The following MYO18B variants were observed in gnomAD, a reference collection of about 807,000 sequenced individuals.
MYO18B encodes the protein unconventional myosin-XVIIIb.
A neutral mutation model predicts 273.0 loss-of-function variants in MYO18B; 204 were observed. The observed-to-expected ratio is 0.75, with a 90% confidence interval of 0.67 to 0.84. MYO18B has a LOEUF of 0.84. Among genes scored for constraint, MYO18B ranks in the 40% least tolerant of loss-of-function variants. The pLI is 0.00. For synonymous variants in MYO18B, 1,330 were observed against 1,305.7 expected (o/e 1.02, Z -0.40); for missense variants, 3,212 against 3,287.6 (o/e 0.98, Z 0.56).
chr22:25,865,531 T>C (rs1225688075), intron 21 of MYO18B, among the ~76,000 whole-genome samples: 2 of 152,210 alleles, frequency 1.3e-5, no homozygotes, highest in African/African-American at 4.8e-5. Context: ...ACTCCTAACA[T>C]TTATTGAGTG....
chr22:25,910,565 G>A (rs1247705952), intron 32 of MYO18B, among the ~76,000 whole-genome samples: 1 of 152,164 alleles, frequency 6.6e-6, no homozygotes, highest in Non-Finnish European at 1.5e-5. Context: ...TAATAATGGA[G>A]GGGATGCATT....
At chr22:25,810,200 C>T (rs1180303478) in intron 12 of MYO18B, among the ~76,000 whole-genome samples, 2 of 150,812 alleles carry the variant, frequency 1.3e-5, no homozygotes, top group Non-Finnish European at 2.9e-5. Flanking sequence ...CGGGTTCATG[C>T]CATTCTCCTG....
chr22:25,826,781 C>G (rs375894250), intron 14 of MYO18B, among the ~76,000 whole-genome samples: 269 of 152,294 alleles, frequency 1.8e-3, no homozygotes, highest in African/African-American at 5.5e-3. Context: ...TCTTCCTGGC[C>G]AAGCGTGGTG....
chr22:25,824,458 A>C (rs1265573506), intron 13 of MYO18B, among the ~76,000 whole-genome samples: 1 of 152,176 alleles, frequency 6.6e-6, no homozygotes, highest in Non-Finnish European at 1.5e-5. Flanking sequence ...GGGGAAAAAC[A>C]GGAGGACTTT....
At chr22:26,028,250 G>GAAAAAAAAAA in intron 43 of MYO18B, 1 of 130,532 alleles carries the variant, frequency 7.7e-6, no homozygotes, top group African/African-American at 2.8e-5. Flanking sequence ...CTGTCTCAGG[G>GAAAAAAAAAA]AAAAAAAAAA....
Position 25,823,681 on chromosome 22 carries a change from A to G in MYO18B, c.2695+3A>G, listed in dbSNP as rs762240905. ...CGAGGATGAGGAAACCAGCTCAGGT[A>G]CATGGCTGCTGCCTCTTTGGGTGAG... On this transcript the variant is annotated splice_donor_region_variant and intron_variant, in intron 13 of 43. Transcript: ENST00000335473. 1 of 1,613,902 alleles carries G rather than the reference A, an allele frequency of 6.2e-7. No individual in the cohort carries two copies. Among genetic ancestry groups the G allele is most frequent in the East Asian group, 2.2e-5 (1 of 44,864 alleles).
intron 29 of MYO18B, chr22:25,899,254 T>C (rs370065092): frequency 9.8e-5 from 15 of 152,352 alleles, no homozygotes; most frequent in African/African-American, 3.1e-4. Flanking sequence ...GAACCTGTGA[T>C]GCTTGGACGC....
At chr22:25,767,879 T>C (rs2086563133) in intron 3 of MYO18B, among the ~76,000 whole-genome samples, 1 of 152,226 alleles carries the variant, frequency 6.6e-6, no homozygotes, top group Admixed American at 6.5e-5. Flanking sequence ...GAGTTGAACT[T>C]GGTTCTGTTG....
rs1485966994 is a variant in MYO18B, at chr22:25,843,756, G to C, written c.3230G>C (p.Cys1077Ser). The change falls in exon 18 of 44, where the codon TGT (cysteine) becomes TCT (serine). Residue 1077 changes from cysteine (C) to serine (S), a missense_variant. Cys to Ser is a moderately radical substitution (Grantham distance 112). Transcript: ENST00000335473. ...CCAGGGTCCTCTGCCCTGCGGACCT[G>C]TGAGCAGCCCCTCCAGTGTGAGATT... ...GTEGSSALRT[C>S]EQPLQCEIFH... 6.2e-7 allele frequency: 1 copy of C among 1,613,612 alleles called. No homozygotes were observed. Among genetic ancestry groups the C allele is most frequent in the Non-Finnish European group, 8.5e-7 (1 of 1,179,658 alleles).
chr22:25,828,350 G>T (rs189008602), intron 14 of MYO18B, among the ~76,000 whole-genome samples: 115 of 152,292 alleles, frequency 7.6e-4, no homozygotes, highest in Admixed American at 3.7e-3. Context: ...CACCCCTACA[G>T]ATTCATCAGG....
intron 21 of MYO18B, among the ~76,000 whole-genome samples, chr22:25,852,176 T>A (rs932689555): frequency 1.3e-5 from 2 of 152,172 alleles, no homozygotes; most frequent in African/African-American, 4.8e-5. Context: ...TGAACATCAC[T>A]CCTTAGGGCC....
At chr22:26,016,628 C>T (rs1935350306) in intron 42 of MYO18B, among the ~76,000 whole-genome samples, 1 of 152,168 alleles carries the variant, frequency 6.6e-6, no homozygotes, top group South Asian at 2.1e-4. Flanking sequence ...TTCCACAATC[C>T]CCCATCTTTC....
At chr22:26,006,743 T>C (rs374829885) in intron 42 of MYO18B, among the ~76,000 whole-genome samples, 19 of 152,330 alleles carry the variant, frequency 1.2e-4, no homozygotes, top group African/African-American at 4.6e-4. Flanking sequence ...GAGTAAATCA[T>C]GATTGTTGTC....
chr22:26,052,983 A>C, the MYO18B span, among the ~76,000 whole-genome samples: 1 of 147,876 alleles, frequency 6.8e-6, no homozygotes, highest in Admixed American at 6.7e-5. Flanking sequence ...TTTTTTTTGT[A>C]TTTTCAGTAG....
rs201242117 is a variant in MYO18B at position 25,903,741 on chromosome 22, G to T, written c.5058G>T (p.Leu1686Phe). ...PSLGENCVAG[L>F]KERLWKLESS... Reference sequence around the variant, plus strand: ...TGGGGGAAAATTGCGTTGCTGGCTTGAAGGAGAGGCTCTGGAAGTTGGAAT... The same window carrying T: ...TGGGGGAAAATTGCGTTGCTGGCTTTAAGGAGAGGCTCTGGAAGTTGGAAT... Residue 1686 changes from leucine to phenylalanine, a missense_variant, in exon 31 of 44, where the codon TTG becomes TTT. Leu to Phe is a conservative substitution (Grantham distance 22, BLOSUM62 0). Coordinates refer to ENST00000335473, the MANE Select transcript of MYO18B (RefSeq NM_032608.7). 60 of 1,605,408 alleles carry T rather than the reference G, an allele frequency of 3.7e-5. No homozygotes were observed. In the African/African-American group the frequency reaches 7.9e-4, roughly 21 times the overall value.
intron 43 of MYO18B, among the ~76,000 whole-genome samples, chr22:26,029,880 T>A (rs1341977547): frequency 6.6e-6 from 1 of 152,192 alleles, no homozygotes; most frequent in Non-Finnish European, 1.5e-5. Flanking sequence ...ATTCCTGGAA[T>A]AGAGCATGGC....
chr22:25,910,131 C>T (rs1044447514), intron 32 of MYO18B, among the ~76,000 whole-genome samples: 5 of 152,160 alleles, frequency 3.3e-5, no homozygotes, highest in African/African-American at 4.8e-5. Flanking sequence ...TTAAATGAGT[C>T]GCTCATAGTC....
intron 14 of MYO18B, 65 bp from the exon 15 acceptor site, chr22:25,828,711 T>C: frequency 6.7e-7 from 1 of 1,499,514 alleles, no homozygotes; most frequent in Non-Finnish European, 9.1e-7. Context: ...TGCTGGAGGC[T>C]TGGATCAGTG....
At chr22:25,745,904 G>A (rs1403987346) in intron 1 of MYO18B, among the ~76,000 whole-genome samples, 1 of 152,124 alleles carries the variant, frequency 6.6e-6, no homozygotes, top group Non-Finnish European at 1.5e-5. Context: ...TTGCTTGATG[G>A]GATTAAATGT....
Sources: gnomAD v4.1 joint callset for allele counts (sites outside exome capture counted in the v4.1 genomes callset) on GRCh38, gnomAD v4.1.1 for gene constraint, MANE v1.5 for transcripts, NCBI Gene and HGNC (gene_info 2026-07-23, HGNC 2026-07-21) for gene names.